The following EXOC5 variants were observed in gnomAD, a reference collection of about 807,000 sequenced individuals.
The protein encoded by EXOC5 is SEC10-like 1.
A neutral mutation model predicts 90.8 loss-of-function variants in EXOC5; 17 were observed. That is an observed-to-expected ratio of 0.19 (90% CI 0.13 to 0.28). The LOEUF (loss-of-function observed/expected upper bound fraction) is 0.28. EXOC5 is among the 10% of genes least tolerant of loss of function. EXOC5 has a pLI of 1.00. For synonymous variants in EXOC5, 260 were observed against 270.0 expected (o/e 0.96, Z 0.36); for missense variants, 569 against 830.6 (o/e 0.69, Z 3.87).
chr14:57,228,136 A>C (rs968477748), intron 12 of EXOC5, among the ~76,000 whole-genome samples: 1 of 152,178 alleles, frequency 6.6e-6, no homozygotes, highest in Admixed American at 6.5e-5. Flanking sequence ...AGAAATGCAA[A>C]TCAAAACCAC....
chr14:57,262,709 A>ATATATATACG (rs1566508268), intron 1 of EXOC5, among the ~76,000 whole-genome samples: 3 of 148,092 alleles, frequency 2.0e-5, no homozygotes, highest in East Asian at 1.9e-4. Flanking sequence ...ATATATATGT[A>ATATATATACG]TATATATGTG....
rs190340064 is a variant in EXOC5, at chr14:57,250,878, C to T, written c.28-3166G>A. 3.0e-3 allele frequency among the ~76,000 whole-genome samples: 455 copies of T among 152,228 alleles called. 8 individuals carry two copies. Among genetic ancestry groups the T allele is most frequent in the Admixed American group, 0.025 (379 of 15,276 alleles). ...ATCTACAATGTTTTTCTTAAAAGAC[C>T]AGATAGCTAGTATTTTAGGTTTGCA... is the stretch of plus-strand genomic sequence containing the variant. On this transcript the variant is annotated intron_variant, in intron 1 of 17. Coordinates refer to ENST00000621441, the MANE Select transcript of EXOC5 (RefSeq NM_006544.4).
chr14:57,243,425 T>C (rs1413832418), intron 4 of EXOC5: 2 of 152,232 alleles, frequency 1.3e-5, no homozygotes, highest in Non-Finnish European at 2.9e-5. Context: ...TGAAATATTC[T>C]ATGGAGTAAA....
At chr14:57,244,791 G>A (rs1484473198) in intron 3 of EXOC5, among the ~76,000 whole-genome samples, 1 of 152,150 alleles carries the variant, frequency 6.6e-6, no homozygotes, top group Non-Finnish European at 1.5e-5. Flanking sequence ...GAGGTCAGGA[G>A]TTCAAGACCA....
At position 57,268,655 on chromosome 14, in the gene EXOC5, C is replaced by G. The variant is rs763818511; in HGVS notation, c.-7G>C. ...GCTCGGCCGTGGTAGCCATCCCGGCCGGCTGAGAGGCTCGCCCCCCACTGG... is the reference window on the plus strand; with the variant it reads ...GCTCGGCCGTGGTAGCCATCCCGGCGGGCTGAGAGGCTCGCCCCCCACTGG... On this transcript the variant is annotated 5_prime_UTR_variant, in exon 1 of 18. Transcript: ENST00000621441. 3 of 1,587,552 alleles carry G rather than the reference C, an allele frequency of 1.9e-6. No individual in the cohort carries two copies. In the East Asian group the frequency reaches 6.8e-5, roughly 36 times the overall value.
At chr14:57,216,201 T>C (rs527263465) in intron 15 of EXOC5, among the ~76,000 whole-genome samples, 117 of 151,976 alleles carry the variant, frequency 7.7e-4, no homozygotes, top group African/African-American at 2.7e-3. Context: ...TGAAAGAATA[T>C]TGTTAACCTG....
At chr14:57,263,739 TAAAAAAAAAAAAA>T (rs550651836) in intron 1 of EXOC5, among the ~76,000 whole-genome samples, 2 of 39,354 alleles carry the variant, frequency 5.1e-5, no homozygotes, top group Admixed American at 2.8e-4. Context: ...CACTCCAGCC[TAAAAAAAAAAAAA>T]AAAAAAAAAA....
In EXOC5 at chr14:57,207,477, AT is replaced by A. The variant is rs1318889551; in HGVS notation, c.*1131del. 6.6e-6 allele frequency: 1 copy of A among 152,456 alleles called. No individual in the cohort carries two copies. Among genetic ancestry groups the A allele is most frequent in the Admixed American group, 6.6e-5 (1 of 15,248 alleles). 9.4% of individuals were successfully genotyped at this position (152,456 alleles called of 1,614,324 possible). ...CTTGATATTTAAAATTTTATAAGTG[AT>A]TTATTATGTCATCAAATTAAGCCAA... On this transcript the variant is annotated 3_prime_UTR_variant, in exon 18 of 18. Transcript: ENST00000621441.
Position 57,218,005 on chromosome 14 carries a change from C to T in EXOC5, c.1590G>A (p.Met530Ile), listed in dbSNP as rs776586359. ...GCCTATCAATGCCAGTATCCAATTT[C>T]ATCTCCATTTGTTCAATTATTTCTT... ...KKKEIIEQME[M>I]KLDTGIDRTL... The change falls in exon 15 of 18, where the codon ATG becomes ATA. Residue 530 changes from methionine (M) to isoleucine (I), a missense_variant. Transcript: ENST00000621441. 1 of 1,580,382 alleles carries T rather than the reference C, an allele frequency of 6.3e-7. No individual in the cohort carries two copies. Among genetic ancestry groups the T allele is most frequent in the East Asian group, 2.2e-5 (1 of 44,486 alleles).
chr14:57,252,082 GA>G lies in EXOC5; in HGVS notation c.28-4371del, dbSNP rs369880049. The stretch of plus-strand genomic sequence containing the variant: ...CAGTAATCAAAAATCTCCCAACAGA[GA>G]AAAGCCCTGGAACTCATGCCTTCAC... On this transcript the variant is annotated intron_variant, in intron 1 of 17. Transcript: ENST00000621441. Among the ~76,000 whole-genome samples the G allele has an allele frequency of 4.4e-3, 675 of 152,230 alleles. 8 individuals carry two copies. Among genetic ancestry groups the G allele is most frequent in the African/African-American group, 0.015 (628 of 41,546 alleles).
At position 57,248,520 on chromosome 14, in the gene EXOC5, T is replaced by TA. The variant is rs796240156; in HGVS notation, c.28-809dup. 5.9e-4 allele frequency among the ~76,000 whole-genome samples: 90 copies of TA among 151,382 alleles called. 1 individual carries two copies. Among genetic ancestry groups the TA allele is most frequent in the African/African-American group, 1.9e-3 (79 of 41,306 alleles). On this transcript the variant is annotated intron_variant, in intron 1 of 17. Transcript: ENST00000621441. ...AGGATACAAAATCTTTTAATTTTCT[T>TA]AAAAAAAAATTGTTTAAAAAAGGAT...
chr14:57,213,587 T>C (rs1184041577), intron 15 of EXOC5, among the ~76,000 whole-genome samples: 2 of 151,816 alleles, frequency 1.3e-5, no homozygotes, highest in South Asian at 2.1e-4. Flanking sequence ...TTTGTATTTT[T>C]AGTAGAGATG....
chr14:57,241,059 A>T lies in EXOC5; in HGVS notation c.466-1400T>A, dbSNP rs529679075. Among the ~76,000 whole-genome samples the T allele has an allele frequency of 1.8e-4, 27 of 151,906 alleles. No individual in the cohort carries two copies. In the East Asian group the frequency reaches 5.2e-3, roughly 30 times the overall value. Reference sequence around the variant, plus strand: ...AGTAGAGACGGGGTTTCGCCATGTTAGCCAGGCTGGTCTTGAACACCTGGC... The same window carrying T: ...AGTAGAGACGGGGTTTCGCCATGTTTGCCAGGCTGGTCTTGAACACCTGGC... On this transcript the variant is annotated intron_variant, in intron 4 of 17. Coordinates refer to ENST00000621441, the MANE Select transcript of EXOC5 (RefSeq NM_006544.4).
intron 1 of EXOC5, among the ~76,000 whole-genome samples, chr14:57,265,822 T>A (rs974551570): frequency 1.3e-5 from 2 of 152,210 alleles, no homozygotes; most frequent in African/African-American, 4.8e-5. Flanking sequence ...AGAATGTCTA[T>A]CCTGAGGAGA....
At chr14:57,268,547 C>T in intron 1 of EXOC5, 75 bp downstream of exon 1, 1 of 1,545,000 alleles carries the variant, frequency 6.5e-7, no homozygotes, top group Non-Finnish European at 8.7e-7. Flanking sequence ...CAGCAAACGC[C>T]CGCTCCTCGG....
chr14:57,262,536 ATATG>A lies in EXOC5; in HGVS notation c.27+6082_27+6085del, dbSNP rs776410251. On this transcript the variant is annotated intron_variant, in intron 1 of 17. Coordinates refer to ENST00000621441, the MANE Select transcript of EXOC5 (RefSeq NM_006544.4). ...TGCTAAAAACTCAAAGTGTAAATAC[ATATG>A]TGTGTGTGTGTGTGTGTGTGTGTGT... Among the ~76,000 whole-genome samples the A allele has an allele frequency of 6.0e-5, 7 of 115,994 alleles. No homozygotes were observed. In the East Asian group the frequency reaches 9.1e-4, roughly 15 times the overall value. 76.1% of individuals were successfully genotyped at this position (115,994 alleles called of 152,430 possible). A position where few individuals can be genotyped will look rare whatever the true frequency, so the allele number is the denominator to read the frequency against.
At chr14:57,257,466 G>C (rs768625633) in intron 1 of EXOC5, among the ~76,000 whole-genome samples, 1 of 152,108 alleles carries the variant, frequency 6.6e-6, no homozygotes, top group Non-Finnish European at 1.5e-5. Flanking sequence ...TGAGATCTAC[G>C]AGGAAGAAAG....
At chr14:57,258,967 A>G (rs1884423848) in intron 1 of EXOC5, among the ~76,000 whole-genome samples, 2 of 152,162 alleles carry the variant, frequency 1.3e-5, no homozygotes, top group South Asian at 4.1e-4. Flanking sequence ...CAACTAACCC[A>G]TCGGTTCAAA....
At position 57,204,992 on chromosome 14, in the gene EXOC5, T is replaced by G. The variant is rs945207965; in HGVS notation, c.*3617A>C. On this transcript the variant is annotated 3_prime_UTR_variant, in exon 18 of 18. Coordinates refer to ENST00000621441, the MANE Select transcript of EXOC5 (RefSeq NM_006544.4). ...ACCTAAAAGTGAGTGAGAAAAGATT[T>G]AGGTTTCAATCTGAGCATTTTACTA... 1 of 151,956 alleles carries G rather than the reference T, an allele frequency of 6.6e-6. No homozygotes were observed. Among genetic ancestry groups the G allele is most frequent in the African/African-American group, 2.4e-5 (1 of 41,434 alleles). 9.4% of individuals were successfully genotyped at this position (151,956 alleles called of 1,614,324 possible). A position where few individuals can be genotyped will look rare whatever the true frequency, so the allele number is the denominator to read the frequency against.
Sources: allele counts gnomAD v4.1 joint callset (sites outside exome capture counted in the v4.1 genomes callset), GRCh38; gene constraint gnomAD v4.1.1; transcripts MANE v1.5; gene names NCBI Gene and HGNC (gene_info 2026-07-23, HGNC 2026-07-21).